Variants in ACSM1 observed in about 807,000 individuals in gnomAD.
ACSM1 encodes acyl-coenzyme A synthetase ACSM1, mitochondrial.
Under a neutral mutation model 75.8 loss-of-function variants are expected in ACSM1, and 79 were observed. The ratio of observed to expected loss-of-function variants is 1.04; its 90% CI spans 0.87 to 1.26. ACSM1 has a LOEUF of 1.26. ACSM1 is among the 50% of genes most tolerant of loss of function. The pLI is 0.00. For synonymous variants in ACSM1, 279 were observed against 265.8 expected (o/e 1.05, Z -0.48); for missense variants, 676 against 720.1 (o/e 0.94, Z 0.70).
intron 7 of ACSM1, among the ~76,000 whole-genome samples, chr16:20,647,279 G>T (rs911818074): frequency 6.6e-6 from 1 of 152,188 alleles, no homozygotes; most frequent in Non-Finnish European, 1.5e-5. Context: ...CTTGGACCGG[G>T]TTCGCCCAGT....
chr16:20,674,731 G>T (rs553016244), intron 4 of ACSM1: 1 of 152,284 alleles, frequency 6.6e-6, no homozygotes, highest in Non-Finnish European at 1.5e-5. Context: ...AGTTTCACCC[G>T]GATGGAGACT....
chr16:20,678,914 C>T (rs574223569), intron 4 of ACSM1, among the ~76,000 whole-genome samples: 14 of 152,100 alleles, frequency 9.2e-5, no homozygotes, highest in East Asian at 3.9e-4. Context: ...TTTGTTCAGC[C>T]GGCCACCCCC....
At chr16:20,672,495 TAAAAAAC>T (rs2019998282) in intron 4 of ACSM1, among the ~76,000 whole-genome samples, 1 of 93,300 alleles carries the variant, frequency 1.1e-5, no homozygotes, top group Non-Finnish European at 2.0e-5. Context: ...TATATATATA[TAAAAAAC>T]ATATTTATAT....
At chr16:20,684,797 G>A (rs1372855576) in intron 3 of ACSM1, among the ~76,000 whole-genome samples, 1 of 152,078 alleles carries the variant, frequency 6.6e-6, no homozygotes, top group East Asian at 1.9e-4. Flanking sequence ...CATTATCAAT[G>A]AATCTTTAAA....
intron 6 of ACSM1, among the ~76,000 whole-genome samples, chr16:20,669,130 T>A (rs950645074): frequency 6.6e-6 from 1 of 151,834 alleles, no homozygotes; most frequent in Non-Finnish European, 1.5e-5. Flanking sequence ...CAGAAAGAAT[T>A]CATGCAGGTG....
chr16:20,644,830 C>T (rs1192337387), intron 7 of ACSM1, among the ~76,000 whole-genome samples: 4 of 152,164 alleles, frequency 2.6e-5, no homozygotes, highest in Non-Finnish European at 4.4e-5. Context: ...TAAAAGTTAA[C>T]GGTGTAACAT....
chr16:20,644,946 A>C (rs1336162459), intron 7 of ACSM1, among the ~76,000 whole-genome samples: 1 of 152,200 alleles, frequency 6.6e-6, no homozygotes, highest in East Asian at 1.9e-4. Flanking sequence ...AAATAAATAA[A>C]TTACTCTATC....
At chr16:20,672,233 CT>C (rs2152272726) in intron 4 of ACSM1, among the ~76,000 whole-genome samples, 1 of 150,322 alleles carries the variant, frequency 6.7e-6, no homozygotes, top group South Asian at 2.1e-4. Flanking sequence ...AAATTAAACT[CT>C]GTGACCTTGG....
In ACSM1 at chr16:20,646,428, T is replaced by C. The variant is rs1309453631; in HGVS notation, c.993-5844A>G. Among the ~76,000 whole-genome samples the C allele has an allele frequency of 2.0e-5, 3 of 152,162 alleles. No individual in the cohort carries two copies. In the East Asian group the frequency reaches 5.8e-4, roughly 29 times the overall value. On this transcript the variant is annotated intron_variant, in intron 7 of 13. Coordinates refer to ENST00000520010, the MANE Select transcript of ACSM1 (RefSeq NM_001318890.3). ...CCAGGGCAAATGCCAGCCCATGCCATCACCCTCCCTAGGTATGCTTGACCA... is the reference window on the plus strand; with the variant it reads ...CCAGGGCAAATGCCAGCCCATGCCACCACCCTCCCTAGGTATGCTTGACCA...
intron 4 of ACSM1, 72 bp downstream of exon 4, chr16:20,682,184 G>A: frequency 6.8e-7 from 1 of 1,466,400 alleles, no homozygotes; most frequent in Admixed American, 1.7e-5. Context: ...CAACCCCACT[G>A]GTCTCTCTGA....
intron 7 of ACSM1, among the ~76,000 whole-genome samples, chr16:20,657,609 T>G (rs58299808): frequency 0.026 from 2,559 of 99,670 alleles, 64 homozygotes; most frequent in African/African-American, 0.15. Flanking sequence ...GTGCCCAATG[T>G]TTTTTTTTTT....
At chr16:20,673,035 T>G (rs1310842785) in intron 4 of ACSM1, among the ~76,000 whole-genome samples, 3 of 145,158 alleles carry the variant, frequency 2.1e-5, no homozygotes, top group Non-Finnish European at 4.5e-5. Flanking sequence ...TTATATACAC[T>G]TACATGTCAT....
At chr16:20,625,599 C>A in intron 11 of ACSM1, 77 bp from the exon 12 acceptor site, 1 of 1,363,232 alleles carries the variant, frequency 7.3e-7, no homozygotes, top group Non-Finnish European at 1.0e-6. Flanking sequence ...TTTGGAGTCA[C>A]AGCTTCCTTT....
intron 10 of ACSM1, among the ~76,000 whole-genome samples, chr16:20,633,895 C>G (rs147426146): frequency 2.6e-5 from 4 of 152,054 alleles, no homozygotes; most frequent in South Asian, 4.2e-4. Flanking sequence ...GCCAGTCTTG[C>G]AATCTGGCCT....
At chr16:20,666,848 G>A (rs1230016411) in intron 6 of ACSM1, among the ~76,000 whole-genome samples, 3 of 152,136 alleles carry the variant, frequency 2.0e-5, no homozygotes, top group African/African-American at 7.2e-5. Context: ...AATGGAGAAA[G>A]GACTTCCTAT....
At chr16:20,664,915 A>G (rs2019488827) in intron 6 of ACSM1, among the ~76,000 whole-genome samples, 1 of 152,158 alleles carries the variant, frequency 6.6e-6, no homozygotes, top group Non-Finnish European at 1.5e-5. Context: ...TTGGGTGAAC[A>G]AGAAGTCAAA....
chr16:20,639,385 C>G (rs1008342363), intron 8 of ACSM1, among the ~76,000 whole-genome samples: 4 of 152,116 alleles, frequency 2.6e-5, no homozygotes, highest in African/African-American at 9.7e-5. Flanking sequence ...CTCCTAAACC[C>G]CAAGCAATGC....
chr16:20,656,701 A>T (rs2018978112), intron 7 of ACSM1, among the ~76,000 whole-genome samples: 1 of 152,140 alleles, frequency 6.6e-6, no homozygotes, highest in South Asian at 2.1e-4. Flanking sequence ...TACTCTGAAG[A>T]CCATATGAAA....
rs1294515576 is a variant in ACSM1, at chr16:20,669,979, A to G, written c.760T>C (p.Leu254=). Residue 254 remains leucine, a synonymous_variant, in exon 6 of 14, where the codon TTA becomes CTA. Coordinates refer to ENST00000520010, the MANE Select transcript of ACSM1 (RefSeq NM_001318890.3). The stretch of plus-strand genomic sequence containing the variant: ...ACATCAGATGTCTTCAGGCTCCGTA[A>G]TTTCCTACTAACTCCAAAATGCAGT... ...LQPSFPGSRK[L]RSLKTSDVSW... The G allele has an allele frequency of 6.2e-7, 1 of 1,613,526 alleles. No individual in the cohort carries two copies. The highest frequency in any genetic ancestry group is 8.5e-7 in the Non-Finnish European group (1 of 1,179,752).
Sources: gnomAD v4.1 joint callset for allele counts (sites outside exome capture counted in the v4.1 genomes callset) on GRCh38, gnomAD v4.1.1 for gene constraint, MANE v1.5 for transcripts, NCBI Gene and HGNC (gene_info 2026-07-23, HGNC 2026-07-21) for gene names.